BCAT2: variants seen among roughly 807,000 people sequenced by gnomAD.
The protein encoded by BCAT2 is branched-chain-amino-acid aminotransferase, mitochondrial.
BCAT2 carries 44 observed loss-of-function variants against 52.9 expected under a neutral mutation model. The observed-to-expected ratio is 0.83, with a 90% CI of 0.65 to 1.07. BCAT2 has a LOEUF of 1.07. Among genes scored for constraint, BCAT2 ranks in the 50% least tolerant of loss-of-function variants. BCAT2 has a pLI of 0.00. For synonymous variants in BCAT2, 215 were observed against 217.1 expected (o/e 0.99, Z 0.08); for missense variants, 478 against 521.8 (o/e 0.92, Z 0.82).
chr19:48,808,323 G>T, intron 1 of BCAT2: 1 of 919,510 alleles, frequency 1.1e-6, no homozygotes, highest in Non-Finnish European at 1.3e-6. Context: ...TGCCCTCAGA[G>T]CCAAGATGAA....
chr19:48,797,176 C>A lies in BCAT2; in HGVS notation c.838+15G>T. 6.2e-7 allele frequency: 1 copy of A among 1,613,368 alleles called. No individual in the cohort carries two copies. The highest frequency in any genetic ancestry group is 1.1e-5 in the South Asian group (1 of 90,876). ...ACTTCCACCAGGGTTCGGGCTGGGT[C>A]ATGGGTGGGCTTACCCCCATCTTCG... On this transcript the variant is annotated intron_variant, in intron 7 of 10. Transcript: ENST00000316273.
Position 48,804,652 on chromosome 19 carries a change from C to T in BCAT2, c.300+1865G>A, listed in dbSNP as rs556291155. Among the ~76,000 whole-genome samples the T allele has an allele frequency of 2.6e-5, 4 of 152,300 alleles. No homozygotes were observed. In the East Asian group the frequency reaches 7.7e-4, roughly 29 times the overall value. ...CATAGGGACAGCATTGTCCTACTCC[C>T]TCATCCTCCCCCTTCCGCCCCCTGG... On this transcript the variant is annotated intron_variant, in intron 3 of 10. Coordinates refer to ENST00000316273, the MANE Select transcript of BCAT2 (RefSeq NM_001190.4).
chr19:48,808,174 C>T (rs1172577700), intron 1 of BCAT2: 3 of 986,438 alleles, frequency 3.0e-6, no homozygotes, highest in Non-Finnish European at 3.6e-6. Context: ...GTGATCAGAG[C>T]GTGGGTCCCC....
chr19:48,797,632 C>G lies in BCAT2; in HGVS notation c.696-299G>C, dbSNP rs560110776. The G allele has an allele frequency of 2.4e-3, 792 of 332,382 alleles. 2 individuals are homozygous for G. The highest frequency in any genetic ancestry group is 8.9e-3 in the Middle Eastern group (9 of 1,006). The allele number at this position is 332,382 out of a possible 1,614,324, so 20.6% of individuals were successfully genotyped here. On this transcript the variant is annotated intron_variant, in intron 6 of 10. Coordinates refer to ENST00000316273, the MANE Select transcript of BCAT2 (RefSeq NM_001190.4). ...GTGGTGCGATCTTGGCTCACTGCAA[C>G]CTCCGCCTCCCAGGTTCAAGAGATT... is the stretch of plus-strand genomic sequence containing the variant.
chr19:48,804,668 C>T (rs948536518), intron 3 of BCAT2, among the ~76,000 whole-genome samples: 6 of 152,288 alleles, frequency 3.9e-5, no homozygotes, highest in African/African-American at 1.2e-4. Context: ...CTCCCCCTTC[C>T]GCCCCCTGGA....
At chr19:48,800,513 T>C (rs112955599) in intron 3 of BCAT2, among the ~76,000 whole-genome samples, 3 of 152,042 alleles carry the variant, frequency 2.0e-5, no homozygotes, top group African/African-American at 7.2e-5. Context: ...ACACGGAGAC[T>C]CTAGAAAGCA....
At position 48,800,056 on chromosome 19, in the gene BCAT2, G is replaced by A. The variant is rs1451243861; in HGVS notation, c.456C>T (p.Ile152=). The A allele has an allele frequency of 6.2e-7, 1 of 1,614,020 alleles. No homozygotes were observed. ...CGGGGACCCAGTCCTTGTCCACTTC[G>A]ATGAGCCGGCGGATGCACTCCAGCA... ...LELLECIRRL[I]EVDKDWVPDA... Residue 152 remains isoleucine, a synonymous_variant, in exon 5 of 11, where the codon ATC becomes ATT. Transcript: ENST00000316273.
chr19:48,800,583 G>C (rs1349672218), intron 3 of BCAT2, among the ~76,000 whole-genome samples: 1 of 152,146 alleles, frequency 6.6e-6, no homozygotes, highest in African/African-American at 2.4e-5. Context: ...GGCCGAGGCA[G>C]GAGGATCACT....
chr19:48,800,117 A>G lies in BCAT2; in HGVS notation c.412-17T>C, dbSNP rs776146395. 1 of 1,613,746 alleles carries G rather than the reference A, an allele frequency of 6.2e-7. No homozygotes were observed. Among genetic ancestry groups the G allele is most frequent in the Non-Finnish European group, 8.5e-7 (1 of 1,179,778 alleles). On this transcript the variant is annotated splice_polypyrimidine_tract_variant and intron_variant, in intron 4 of 10. Coordinates refer to ENST00000316273, the MANE Select transcript of BCAT2 (RefSeq NM_001190.4). Reference sequence around the variant, plus strand: ...GTCGAAACTCTGGGTGGGATTCTGAATGAGTCAAGGGGCCCTTGCTGCCCC... The same window carrying G: ...GTCGAAACTCTGGGTGGGATTCTGAGTGAGTCAAGGGGCCCTTGCTGCCCC...
intron 3 of BCAT2, among the ~76,000 whole-genome samples, chr19:48,805,193 G>C (rs187623634): frequency 6.6e-6 from 1 of 152,168 alleles, no homozygotes; most frequent in African/African-American, 2.4e-5. Context: ...GCTTTCAGCC[G>C]CAGCTATAAG....
At chr19:48,798,132 T>C (rs1408809724) in intron 6 of BCAT2, among the ~76,000 whole-genome samples, 1 of 151,438 alleles carries the variant, frequency 6.6e-6, no homozygotes, top group African/African-American at 2.4e-5. Flanking sequence ...CTCAAACTCC[T>C]GACCTCAAGT....
rs1476406064 is a variant in BCAT2, at chr19:48,807,995, G to A, written c.25-921C>T. 4.1e-6 allele frequency: 4 copies of A among 986,280 alleles called. No homozygotes were observed. Among genetic ancestry groups the A allele is most frequent in the East Asian group, 2.2e-4 (2 of 8,958 alleles). The allele number at this position is 986,280 out of a possible 1,614,324, so 61.1% of individuals were successfully genotyped here. A position where few individuals can be genotyped will look rare whatever the true frequency, so the allele number is the denominator to read the frequency against. On this transcript the variant is annotated intron_variant, in intron 1 of 10. Transcript: ENST00000316273. This position sits in a 1 kb window ranked among gnomAD's most constrained non-coding sequence, Gnocchi z 4.6. The stretch of plus-strand genomic sequence containing the variant: ...CCTGTGGGGAGGCGTTGGGGCGTGA[G>A]GTTGAGAGAGACAGAGTGGCCTGGC...
intron 1 of BCAT2, among the ~76,000 whole-genome samples, chr19:48,809,150 C>T (rs1310696232): frequency 6.7e-6 from 1 of 149,568 alleles, no homozygotes; most frequent in Non-Finnish European, 1.5e-5. Context: ...CGCTTGAGCC[C>T]ATCTACTCGG....
chr19:48,799,599 C>T lies in BCAT2; in HGVS notation c.695+76G>A, dbSNP rs956812995. ...TTCATGTGACATCCAGAGGCATGGC[C>T]GAAAGCACGCACGCTGGTCCCTGTG... On this transcript the variant is annotated intron_variant, in intron 6 of 10. Coordinates refer to ENST00000316273, the MANE Select transcript of BCAT2 (RefSeq NM_001190.4). This position sits in a 1 kb window ranked among gnomAD's most constrained non-coding sequence, Gnocchi z 5.5. The T allele has an allele frequency of 9.6e-6, 14 of 1,456,730 alleles. No homozygotes were observed. The highest frequency in any genetic ancestry group is 8.9e-5 in the South Asian group (6 of 67,464). 90.2% of individuals were successfully genotyped at this position (1,456,730 alleles called of 1,614,324 possible). A position where few individuals can be genotyped will look rare whatever the true frequency, so the allele number is the denominator to read the frequency against.
intron 1 of BCAT2, 71 bp downstream of exon 1, chr19:48,810,913 G>T (rs1036051626): frequency 4.3e-5 from 68 of 1,573,832 alleles, no homozygotes; most frequent in Non-Finnish European, 5.5e-5. Flanking sequence ...CCGGCTGCAG[G>T]CCAGTGGTCT....
Position 48,807,285 on chromosome 19 carries a change from C to A in BCAT2, c.25-211G>T. 1 of 496,026 alleles carries A rather than the reference C, an allele frequency of 2.0e-6. No individual in the cohort carries two copies. Among genetic ancestry groups the A allele is most frequent in the Non-Finnish European group, 3.6e-6 (1 of 278,624 alleles). 30.7% of individuals were successfully genotyped at this position (496,026 alleles called of 1,614,324 possible). On this transcript the variant is annotated intron_variant, in intron 1 of 10. Coordinates refer to ENST00000316273, the MANE Select transcript of BCAT2 (RefSeq NM_001190.4). This position sits in a 1 kb window ranked among gnomAD's most constrained non-coding sequence, Gnocchi z 4.6. ...CGCTGGAAAGAGCTGAGTCAGCTCC[C>A]GCCCCCTCCTCCATGCTGCGGCAAA...
chr19:48,798,620 C>T (rs493841), intron 6 of BCAT2, among the ~76,000 whole-genome samples: 93,108 of 148,778 alleles, frequency 0.63, 30,179 homozygotes, highest in African/African-American at 0.83. Flanking sequence ...GCCTCCTCTG[C>T]GAAACCTTTC....
chr19:48,805,319 G>A (rs1027054382), intron 3 of BCAT2, among the ~76,000 whole-genome samples: 1 of 152,108 alleles, frequency 6.6e-6, no homozygotes, highest in Non-Finnish European at 1.5e-5. Flanking sequence ...ACAGGCCCAA[G>A]GTCTACCTGG....
intron 10 of BCAT2, chr19:48,796,057 C>G: frequency 2.4e-6 from 1 of 424,192 alleles, no homozygotes; most frequent in Non-Finnish European, 4.2e-6. Context: ...CACCAGGGCA[C>G]CCGGGGCAGC....
Sources: gnomAD v4.1 joint callset for allele counts (sites outside exome capture counted in the v4.1 genomes callset) on GRCh38, gnomAD v4.1.1 for gene constraint, Gnocchi (gnomAD v3.1) non-coding constraint, MANE v1.5 for transcripts, NCBI Gene and HGNC (gene_info 2026-07-23, HGNC 2026-07-21) for gene names.